The following PCDHGA1 variants were observed in gnomAD, a reference collection of about 807,000 sequenced individuals.
PCDHGA1 encodes protocadherin gamma-A1.
A neutral mutation model predicts 58.0 loss-of-function variants in PCDHGA1; 32 were observed. That is an observed-to-expected ratio of 0.55 (90% CI 0.42 to 0.74). PCDHGA1 has a LOEUF of 0.74. PCDHGA1 is among the 30% of genes least tolerant of loss of function. PCDHGA1 has a pLI of 0.00. For synonymous variants in PCDHGA1, 498 were observed against 501.1 expected, an observed-to-expected ratio of 0.99 and a Z score of 0.08; for missense variants, 1,205 against 1,182.3, an observed-to-expected ratio of 1.02 and a Z score of -0.28.
In PCDHGA1 at chr5:141,433,401, A is replaced by ATCTC. The variant is rs1554126038; in HGVS notation, c.2422-61403_2422-61402insCTCT. On this transcript the variant is annotated intron_variant, in intron 1 of 3. Transcript: ENST00000517417. ...TATCTATCTATCTATCTATCTATCT[A>ATCTC]TCTATTACTTTCTTGTACAGACAGG... Among the ~76,000 whole-genome samples, 677 of 150,598 alleles carry ATCTC rather than the reference A, an allele frequency of 4.5e-3. 6 individuals are homozygous for ATCTC. Among genetic ancestry groups the ATCTC allele is most frequent in the African/African-American group, 0.015 (630 of 40,958 alleles).
Position 141,489,680 on chromosome 5 carries a change from C to T in PCDHGA1, c.2422-5127C>T, listed in dbSNP as rs758765306. On this transcript the variant is annotated intron_variant, in intron 1 of 3. Coordinates refer to ENST00000517417, the MANE Select transcript of PCDHGA1 (RefSeq NM_018912.3). This position sits in a 1 kb window ranked among gnomAD's most constrained non-coding sequence, Gnocchi z 4.5. ...GAGATGCGCATCTCAGAATCAGCAG[C>T]ATCTGGGGCACGATTCCCACTGGAC... 2 of 1,614,070 alleles carry T rather than the reference C, an allele frequency of 1.2e-6. No individual in the cohort carries two copies. The highest frequency in any genetic ancestry group is 2.2e-5 in the East Asian group (1 of 44,886).
Position 141,393,710 on chromosome 5 carries a change from G to T in PCDHGA1, c.2421+60605G>T, listed in dbSNP as rs143738602. On this transcript the variant is annotated intron_variant, in intron 1 of 3. Transcript: ENST00000517417. Reference sequence around the variant, plus strand: ...TATTCCAGCTTAATGAAAATACTGGGGAAATATCAATAGCAAAAAGTCTAG... The same window carrying T: ...TATTCCAGCTTAATGAAAATACTGGTGAAATATCAATAGCAAAAAGTCTAG... 837 of 1,613,794 alleles carry T rather than the reference G, an allele frequency of 5.2e-4. 2 individuals carry two copies. In the African/African-American group the frequency reaches 1.0e-2, roughly 19 times the overall value.
In PCDHGA1 at chr5:141,360,206, T is replaced by C. The variant is rs370543989; in HGVS notation, c.2421+27101T>C. The C allele has an allele frequency of 1.1e-5, 17 of 1,612,996 alleles. No homozygotes were observed. The highest frequency in any genetic ancestry group is 1.4e-5 in the Non-Finnish European group (16 of 1,179,490). On this transcript the variant is annotated intron_variant, in intron 1 of 3. Transcript: ENST00000517417. ...GTACTGTTGCCCTTCCTGTTGTCTT[T>C]GTTCCCCGGGGCTCTCCCAGTCCAG...
At chr5:141,426,946 C>T (rs565370434) in intron 1 of PCDHGA1, 5 of 456,668 alleles carry the variant, frequency 1.1e-5, no homozygotes, top group Non-Finnish European at 2.2e-5. Context: ...CCAGTCCCAA[C>T]TGGCACTGCT....
At chr5:141,423,694 T>A in intron 1 of PCDHGA1, 1 of 1,501,554 alleles carries the variant, frequency 6.7e-7, no homozygotes, top group Non-Finnish European at 8.9e-7. Context: ...TAATTGTTGG[T>A]GTCTTGGCAC....
rs1036223789 is a variant in PCDHGA1, at chr5:141,511,298, G to C, written c.*125G>C. 49 of 1,502,412 alleles carry C rather than the reference G, an allele frequency of 3.3e-5. No homozygotes were observed. The African/African-American group carries it at 6.7e-4, about 20-fold the overall frequency. 93.1% of individuals were successfully genotyped at this position (1,502,412 alleles called of 1,614,324 possible). A position where few individuals can be genotyped will look rare whatever the true frequency, so the allele number is the denominator to read the frequency against. The stretch of plus-strand genomic sequence containing the variant: ...GAATACTGGTAGGGGCCAAGGCCAT[G>C]CTCCCCTTGGGAAACAGAAACAAGT... On this transcript the variant is annotated 3_prime_UTR_variant, in exon 4 of 4. Coordinates refer to ENST00000517417, the MANE Select transcript of PCDHGA1 (RefSeq NM_018912.3).
chr5:141,353,225 C>T (rs188336761), intron 1 of PCDHGA1, among the ~76,000 whole-genome samples: 4 of 152,266 alleles, frequency 2.6e-5, no homozygotes, highest in East Asian at 3.9e-4. Flanking sequence ...GATGTTAACA[C>T]TTAGTAATAG....
Position 141,490,983 on chromosome 5 carries a change from C to T in PCDHGA1, c.2422-3824C>T. ...ACTCAGCCCCCCAGCGTCTCCCTCG[C>T]TCTGCTCCTCCTGGCTCCTTGGTCA... On this transcript the variant is annotated intron_variant, in intron 1 of 3. Transcript: ENST00000517417. The surrounding 1 kb of genome is among the most constrained non-coding windows in gnomAD (Gnocchi z 5.4). 2 of 1,614,120 alleles carry T rather than the reference C, an allele frequency of 1.2e-6. No individual in the cohort carries two copies. Among genetic ancestry groups the T allele is most frequent in the South Asian group, 2.2e-5 (2 of 91,082 alleles).
chr5:141,504,583 A>G (rs1230825472), intron 2 of PCDHGA1, among the ~76,000 whole-genome samples: 1 of 146,622 alleles, frequency 6.8e-6, no homozygotes, highest in African/African-American at 2.5e-5. Flanking sequence ...CCATCTGCCC[A>G]GGATTCACAG....
intron 1 of PCDHGA1, among the ~76,000 whole-genome samples, chr5:141,363,355 A>G (rs1252929193): frequency 6.6e-6 from 1 of 152,170 alleles, no homozygotes; most frequent in Non-Finnish European, 1.5e-5. Context: ...TGAAATGTCC[A>G]TTTTTTTCAA....
rs748357509 is a variant in PCDHGA1 at position 141,384,447 on chromosome 5, G to A, written c.2421+51342G>A. The A allele has an allele frequency of 2.0e-5, 32 of 1,613,890 alleles. No homozygotes were observed. The African/African-American group carries it at 2.4e-4, about 12-fold the overall frequency. The stretch of plus-strand genomic sequence containing the variant: ...ACTCTGACACTGGAGTCCTGTACGC[G>A]CTGCAATCCTTTGATTATGAGCAGT... On this transcript the variant is annotated intron_variant, in intron 1 of 3. Coordinates refer to ENST00000517417, the MANE Select transcript of PCDHGA1 (RefSeq NM_018912.3).
chr5:141,421,082 C>A, intron 1 of PCDHGA1: 1 of 640,114 alleles, frequency 1.6e-6, no homozygotes, highest in Non-Finnish European at 2.6e-6. Flanking sequence ...TGGATACTCA[C>A]AGATCCTGAC....
At position 141,385,121 on chromosome 5, in the gene PCDHGA1, T is replaced by C. The variant is rs748623262; in HGVS notation, c.2421+52016T>C. On this transcript the variant is annotated intron_variant, in intron 1 of 3. Transcript: ENST00000517417. The stretch of plus-strand genomic sequence containing the variant: ...GCGAACGTGCCCACCTCGCACTTTG[T>C]GGGCATGGACGGGGTGCAGGCTTTC... 14 of 1,614,214 alleles carry C rather than the reference T, an allele frequency of 8.7e-6. No homozygotes were observed. The Admixed American group carries it at 2.3e-4, about 27-fold the overall frequency.
chr5:141,335,363 A>C (rs1246397609), intron 1 of PCDHGA1, among the ~76,000 whole-genome samples: 1 of 152,202 alleles, frequency 6.6e-6, no homozygotes, highest in Non-Finnish European at 1.5e-5. Context: ...TACACACACA[A>C]AAAAGAAAGT....
intron 1 of PCDHGA1, chr5:141,340,399 C>T (rs1756940775): frequency 6.2e-7 from 1 of 1,614,182 alleles, no homozygotes; most frequent in Non-Finnish European, 8.5e-7. Flanking sequence ...CAGTGACGGC[C>T]CATGACCCCG....
chr5:141,454,567 C>G (rs572130062), intron 1 of PCDHGA1, among the ~76,000 whole-genome samples: 1 of 150,856 alleles, frequency 6.6e-6, no homozygotes, highest in Non-Finnish European at 1.5e-5. Flanking sequence ...CCACCACGCC[C>G]GGCTAATTTT....
At chr5:141,469,438 G>T (rs2099201339) in intron 1 of PCDHGA1, among the ~76,000 whole-genome samples, 1 of 152,112 alleles carries the variant, frequency 6.6e-6, no homozygotes, top group African/African-American at 2.4e-5. Flanking sequence ...AGCTGGGCGT[G>T]GTGGTGCACA....
In PCDHGA1 at chr5:141,485,251, C is replaced by T. The variant is rs748522322; in HGVS notation, c.2422-9556C>T. 7 of 1,614,092 alleles carry T rather than the reference C, an allele frequency of 4.3e-6. No individual in the cohort carries two copies. In the South Asian group the frequency reaches 6.6e-5, roughly 15 times the overall value. On this transcript the variant is annotated intron_variant, in intron 1 of 3. Transcript: ENST00000517417. This position sits in a 1 kb window ranked among gnomAD's most constrained non-coding sequence, Gnocchi z 5.7. The stretch of plus-strand genomic sequence containing the variant: ...TGTTCCTCTTTTACCACCTGGGTTA[C>T]GTTTGTGGGCAGATCCGCTACCCGG...
At chr5:141,375,585 T>C (rs765334095) in intron 1 of PCDHGA1, 7 of 1,614,014 alleles carry the variant, frequency 4.3e-6, no homozygotes, top group African/African-American at 1.3e-5. Context: ...GGGGCGCCCC[T>C]GTCCTCCTAC....
Sources: allele counts gnomAD v4.1 joint callset (sites outside exome capture counted in the v4.1 genomes callset), GRCh38; gene constraint gnomAD v4.1.1; non-coding constraint Gnocchi (gnomAD v3.1); transcripts MANE v1.5; gene names NCBI Gene and HGNC (gene_info 2026-07-23, HGNC 2026-07-21).